LRRN3: variants seen among roughly 807,000 people sequenced by gnomAD.
LRRN3 encodes leucine rich repeat neuronal 3.
LRRN3 carries 15 observed loss-of-function variants against 40.1 expected under a neutral mutation model. The ratio of observed to expected loss-of-function variants is 0.37; its 90% confidence interval spans 0.25 to 0.58. The LOEUF (loss-of-function observed/expected upper bound fraction) is 0.58. Among genes scored for constraint, LRRN3 ranks in the 20% least tolerant of loss-of-function variants. The pLI, the probability that LRRN3 is intolerant of heterozygous loss-of-function variation, is 0.72. For synonymous variants in LRRN3, 308 were observed against 297.2 expected (o/e 1.04, Z -0.37); for missense variants, 746 against 837.7 (o/e 0.89, Z 1.35).
rs1801110063 is a variant in LRRN3 at position 111,124,863 on chromosome 7, A to G, written c.2091A>G (p.Lys697=). 4 of 1,611,060 alleles carry G rather than the reference A, an allele frequency of 2.5e-6. No homozygotes were observed. In the Admixed American group the frequency reaches 5.0e-5, roughly 20 times the overall value. ...AAAAAAGTACATCACTGAAAGTAAA[A>G]GCAACTGTTATAGGTTTACCAACAA... ...GKEKSTSLKV[K]ATVIGLPTNM... The change falls in exon 3 of 3, where the codon AAA becomes AAG. Residue 697 remains lysine, a synonymous_variant. Transcript: ENST00000308478.
At chr7:111,105,165 C>G (rs988798044) in intron 2 of LRRN3, among the ~76,000 whole-genome samples, 1 of 151,738 alleles carries the variant, frequency 6.6e-6, no homozygotes, top group Non-Finnish European at 1.5e-5. Flanking sequence ...AACCACAAAA[C>G]CTTTGAAGTG....
rs1262956709 is a variant in LRRN3, at chr7:111,117,905, G to A, written c.-358-4510G>A. 5.9e-5 allele frequency among the ~76,000 whole-genome samples: 9 copies of A among 152,018 alleles called. No individual in the cohort carries two copies. In the East Asian group the frequency reaches 1.7e-3, roughly 29 times the overall value. On this transcript the variant is annotated intron_variant, in intron 2 of 2. Transcript: ENST00000308478. Reference sequence around the variant, plus strand: ...GTCTTTATAATACACATAATAAAGTGCAAAGAAGAAGGCACACTTTGTTCT... The same window carrying A: ...GTCTTTATAATACACATAATAAAGTACAAAGAAGAAGGCACACTTTGTTCT...
At chr7:111,095,861 T>G (rs1797345184) in intron 1 of LRRN3, among the ~76,000 whole-genome samples, 1 of 151,956 alleles carries the variant, frequency 6.6e-6, no homozygotes, top group Non-Finnish European at 1.5e-5. Context: ...AAACAATAAA[T>G]ATATTATCAG....
Position 111,123,369 on chromosome 7 carries a change from A to C in LRRN3, c.597A>C (p.Pro199=). Residue 199 remains proline, a synonymous_variant, in exon 3 of 3, where the codon CCA becomes CCC. Transcript: ENST00000308478. The surrounding 1 kb of genome is among the most constrained non-coding windows in gnomAD (Gnocchi z 6.4). ...AGATTCTGATGATTGGGGAAAATCC[A>C]ATTATCAGAATCAAAGACATGAACT... ...NLEILMIGEN[P]IIRIKDMNFK... 2 of 1,613,862 alleles carry C rather than the reference A, an allele frequency of 1.2e-6. No homozygotes were observed. The highest frequency in any genetic ancestry group is 1.7e-6 in the Non-Finnish European group (2 of 1,179,928).
intron 1 of LRRN3, among the ~76,000 whole-genome samples, chr7:111,094,912 G>A (rs1563235857): frequency 6.6e-6 from 1 of 152,054 alleles, no homozygotes; most frequent in African/African-American, 2.4e-5. Context: ...GGTCTCAATA[G>A]ATGCTATTTA....
chr7:111,122,599 C>T lies in LRRN3; in HGVS notation c.-174C>T. ...CTCCAATATGCATGACATTTTTGGA[C>T]AATGCAATTGTGGCACTGGCACTTA... On this transcript the variant is annotated 5_prime_UTR_variant, in exon 3 of 3. The change creates a premature stop within an existing upstream ORF in the 5' untranslated region. Coordinates refer to ENST00000308478, the MANE Select transcript of LRRN3 (RefSeq NM_001099658.2). The T allele has an allele frequency of 1.7e-6, 1 of 587,510 alleles. No homozygotes were observed. Among genetic ancestry groups the T allele is most frequent in the Non-Finnish European group, 3.0e-6 (1 of 329,368 alleles). The allele number at this position is 587,510 out of a possible 1,614,324, so 36.4% of individuals were successfully genotyped here.
chr7:111,124,865 C>T lies in LRRN3; in HGVS notation c.2093C>T (p.Ala698Val), dbSNP rs1801110994. ...KEKSTSLKVKATVIGLPTNMS is the reference protein window; with the variant it reads ...KEKSTSLKVKVTVIGLPTNMS The stretch of plus-strand genomic sequence containing the variant: ...AAAAGTACATCACTGAAAGTAAAAG[C>T]AACTGTTATAGGTTTACCAACAAAT... Residue 698 changes from alanine (A) to valine (V), a missense_variant, in exon 3 of 3, where the codon GCA (alanine) becomes GTA (valine). Physicochemically the swap from Ala to Val is moderately conservative, Grantham distance 64 (BLOSUM62 0). Coordinates refer to ENST00000308478, the MANE Select transcript of LRRN3 (RefSeq NM_001099658.2). The T allele has an allele frequency of 6.2e-7, 1 of 1,603,712 alleles. No homozygotes were observed. Among genetic ancestry groups the T allele is most frequent in the Non-Finnish European group, 8.5e-7 (1 of 1,176,750 alleles).
intron 2 of LRRN3, among the ~76,000 whole-genome samples, chr7:111,119,948 G>T (rs1326400218): frequency 6.6e-6 from 1 of 152,136 alleles, no homozygotes; most frequent in East Asian, 1.9e-4. Context: ...TTCCCAGAGG[G>T]GAGATTCTTG....
intron 2 of LRRN3, among the ~76,000 whole-genome samples, chr7:111,114,695 G>T (rs527999426): frequency 7.0e-6 from 1 of 142,158 alleles, no homozygotes; most frequent in Non-Finnish European, 1.5e-5. Flanking sequence ...AGCCGAGATC[G>T]CACCACTGCC....
In LRRN3 at chr7:111,099,909, A is replaced by C. The variant is rs1797789657; in HGVS notation, c.-412A>C. On this transcript the variant is annotated 5_prime_UTR_variant, in exon 2 of 3. Transcript: ENST00000308478. ...AGGAAGAGGAGGAGAAAGAGAAAGA[A>C]GAGGAAGATGTTGGGCAACATTTAT... The C allele has an allele frequency of 6.6e-6, 1 of 151,688 alleles. No homozygotes were observed. Among genetic ancestry groups the C allele is most frequent in the Non-Finnish European group, 1.5e-5 (1 of 67,790 alleles). The allele number at this position is 151,688 out of a possible 1,614,324, so 9.4% of individuals were successfully genotyped here. A position where few individuals can be genotyped will look rare whatever the true frequency, so the allele number is the denominator to read the frequency against.
intron 2 of LRRN3, among the ~76,000 whole-genome samples, chr7:111,120,937 CAA>C (rs545042207): frequency 3.0e-5 from 4 of 131,924 alleles, no homozygotes; most frequent in Non-Finnish European, 1.7e-5. Context: ...CTCTAACAGG[CAA>C]AAAAAAAAAG....
intron 2 of LRRN3, among the ~76,000 whole-genome samples, chr7:111,111,437 T>C (rs1278027829): frequency 6.6e-6 from 1 of 150,706 alleles, no homozygotes; most frequent in Non-Finnish European, 1.5e-5. Flanking sequence ...TTAGTATTTT[T>C]ACTTCCCCCG....
intron 2 of LRRN3, among the ~76,000 whole-genome samples, chr7:111,112,788 C>T (rs959033227): frequency 3.3e-5 from 5 of 152,240 alleles, no homozygotes; most frequent in African/African-American, 9.6e-5. Context: ...TTATCGTCTT[C>T]CTTAGGTATA....
chr7:111,119,707 T>C (rs1800351632), intron 2 of LRRN3, among the ~76,000 whole-genome samples: 1 of 152,198 alleles, frequency 6.6e-6, no homozygotes, highest in Admixed American at 6.5e-5. Flanking sequence ...AATTCATTTA[T>C]CAGTTCATTC....
At position 111,124,982 on chromosome 7, in the gene LRRN3, C is replaced by CA; in HGVS notation, c.*86dup. 1.6e-5 allele frequency: 15 copies of CA among 953,438 alleles called. No homozygotes were observed. The highest frequency in any genetic ancestry group is 3.2e-5 in the Admixed American group (1 of 31,344). 59.1% of individuals were successfully genotyped at this position (953,438 alleles called of 1,614,324 possible). A position where few individuals can be genotyped will look rare whatever the true frequency, so the allele number is the denominator to read the frequency against. Reference sequence around the variant, plus strand: ...CAGTTGTGCTAAAAACAAAACAAAACAAACAAACAAACAAAAAAGTAAAAA... The same window carrying CA: ...CAGTTGTGCTAAAAACAAAACAAAACAAAACAAACAAACAAAAAAGTAAAAA... On this transcript the variant is annotated 3_prime_UTR_variant, in exon 3 of 3. Transcript: ENST00000308478.
rs540382964 is a variant in LRRN3 at position 111,106,908 on chromosome 7, A to G, written c.-359+6946A>G. Among the ~76,000 whole-genome samples, 105 of 152,004 alleles carry G rather than the reference A, an allele frequency of 6.9e-4. 1 individual carries two copies. The Middle Eastern group carries it at 0.02, about 30-fold the overall frequency. Reference sequence around the variant, plus strand: ...GAGTAAAGGAAAACATTCATTCAATAGTACCATGCAGAATGATTTGCTTAA... The same window carrying G: ...GAGTAAAGGAAAACATTCATTCAATGGTACCATGCAGAATGATTTGCTTAA... On this transcript the variant is annotated intron_variant, in intron 2 of 2. Transcript: ENST00000308478.
rs796790494 is a variant in LRRN3 at position 111,122,601 on chromosome 7, A to T, written c.-172A>T. 1.7e-6 allele frequency: 1 copy of T among 596,664 alleles called. No individual in the cohort carries two copies. Among genetic ancestry groups the T allele is most frequent in the African/African-American group, 1.9e-5 (1 of 53,824 alleles). 37.0% of individuals were successfully genotyped at this position (596,664 alleles called of 1,614,324 possible). ...CCAATATGCATGACATTTTTGGACAATGCAATTGTGGCACTGGCACTTATT... is the reference window on the plus strand; with the variant it reads ...CCAATATGCATGACATTTTTGGACATTGCAATTGTGGCACTGGCACTTATT... On this transcript the variant is annotated 5_prime_UTR_variant, in exon 3 of 3. The change abolishes an upstream ATG in the 5' untranslated region. Coordinates refer to ENST00000308478, the MANE Select transcript of LRRN3 (RefSeq NM_001099658.2).
intron 1 of LRRN3, among the ~76,000 whole-genome samples, chr7:111,095,289 G>A (rs182702471): frequency 7.2e-4 from 110 of 151,982 alleles, no homozygotes; most frequent in African/African-American, 2.5e-3. Flanking sequence ...ATTATACTTT[G>A]TATTCACCCA....
In LRRN3 at chr7:111,100,730, G is replaced by A. The variant is rs189731771; in HGVS notation, c.-359+768G>A. The stretch of plus-strand genomic sequence containing the variant: ...TTTTTGTTTTTGTAATTTTAGAAGT[G>A]TAATGTATGTAAAAATATCATGGTT... On this transcript the variant is annotated intron_variant, in intron 2 of 2. Transcript: ENST00000308478. Among the ~76,000 whole-genome samples the A allele has an allele frequency of 3.3e-5, 5 of 151,384 alleles. No homozygotes were observed. The East Asian group carries it at 5.8e-4, about 18-fold the overall frequency.
Sources: allele counts gnomAD v4.1 joint callset (sites outside exome capture counted in the v4.1 genomes callset), GRCh38; gene constraint gnomAD v4.1.1; non-coding constraint Gnocchi (gnomAD v3.1); transcripts MANE v1.5; gene names NCBI Gene and HGNC (gene_info 2026-07-23, HGNC 2026-07-21).